Variants in SH3RF1 observed in about 807,000 individuals in gnomAD.
The protein encoded by SH3RF1 is SH3 domain containing ring finger 1, also known as E3 ubiquitin-protein ligase SH3RF1.
SH3RF1 carries 32 observed loss-of-function variants against 74.0 expected under a neutral mutation model. The observed-to-expected ratio is 0.43, with a 90% CI of 0.33 to 0.58. SH3RF1 has a LOEUF of 0.58. Among genes scored for constraint, SH3RF1 ranks in the 20% least tolerant of loss-of-function variants. The pLI is 0.05. For synonymous variants in SH3RF1, 396 were observed against 439.6 expected, an observed-to-expected ratio of 0.90 and a Z score of 1.24; for missense variants, 954 against 1,130.9, an observed-to-expected ratio of 0.84 and a Z score of 2.24.
chr4:169,150,638 G>T (rs1040639484), intron 4 of SH3RF1, among the ~76,000 whole-genome samples: 2 of 152,104 alleles, frequency 1.3e-5, no homozygotes, highest in Non-Finnish European at 2.9e-5. Context: ...CCCCAGGGGG[G>T]TCTTCTCTAC....
intron 2 of SH3RF1, among the ~76,000 whole-genome samples, chr4:169,208,213 C>G (rs2126994315): frequency 6.6e-6 from 1 of 152,148 alleles, no homozygotes; most frequent in Admixed American, 6.5e-5. Flanking sequence ...TCCCCACCCC[C>G]ACTGCCTGAC....
chr4:169,212,057 CT>C (rs34108534), intron 2 of SH3RF1, among the ~76,000 whole-genome samples: 6,783 of 49,126 alleles, frequency 0.14, 122 homozygotes, highest in Non-Finnish European at 0.16. Context: ...CTTTTCTTTT[CT>C]TTTTTTTTTT....
chr4:169,263,570 C>T (rs1238877490), intron 2 of SH3RF1, among the ~76,000 whole-genome samples: 1 of 152,194 alleles, frequency 6.6e-6, no homozygotes, highest in African/African-American at 2.4e-5. Context: ...AACTTTCTCC[C>T]ACTACTTCCT....
intron 4 of SH3RF1, among the ~76,000 whole-genome samples, chr4:169,138,287 T>C (rs921081101): frequency 6.6e-6 from 1 of 152,150 alleles, no homozygotes; most frequent in Non-Finnish European, 1.5e-5. Context: ...CAGTGAACCA[T>C]GGAGGGGTAG....
chr4:169,187,013 A>G (rs78060647), intron 2 of SH3RF1, among the ~76,000 whole-genome samples: 1 of 32,852 alleles, frequency 3.0e-5, no homozygotes, highest in African/African-American at 6.8e-5. Context: ...GCTCCATCGC[A>G]AAAAAAAAAA....
chr4:169,125,279 C>T lies in SH3RF1; in HGVS notation c.1180-3013G>A, dbSNP rs138824007. Among the ~76,000 whole-genome samples the T allele has an allele frequency of 1.2e-4, 18 of 152,282 alleles. No homozygotes were observed. In the East Asian group the frequency reaches 3.5e-3, roughly 29 times the overall value. On this transcript the variant is annotated intron_variant, in intron 6 of 11. Transcript: ENST00000284637. ...CTTCCTTCCCTTGCTAGAGTGAGCA[C>T]CCAGGGAAGAAGTGTCTTCTCTCTG...
intron 6 of SH3RF1, among the ~76,000 whole-genome samples, chr4:169,126,581 T>C (rs1733528770): frequency 6.6e-6 from 1 of 151,974 alleles, no homozygotes; most frequent in South Asian, 2.1e-4. Context: ...TGTATAAAAT[T>C]TTTATTATTT....
chr4:169,207,925 G>T (rs1730287664), intron 2 of SH3RF1, among the ~76,000 whole-genome samples: 1 of 152,032 alleles, frequency 6.6e-6, no homozygotes, highest in African/African-American at 2.4e-5. Flanking sequence ...CACCATGGGG[G>T]GTGTCAGTAG....
intron 2 of SH3RF1, among the ~76,000 whole-genome samples, chr4:169,218,632 A>C (rs1018108991): frequency 3.6e-4 from 55 of 151,788 alleles, no homozygotes; most frequent in Non-Finnish European, 6.3e-4. Context: ...CAGACCAGGG[A>C]CCAAAAGTGA....
At chr4:169,143,403 G>A (rs944734617) in intron 4 of SH3RF1, among the ~76,000 whole-genome samples, 3 of 152,228 alleles carry the variant, frequency 2.0e-5, no homozygotes, top group African/African-American at 7.2e-5. Flanking sequence ...ACTCAGTTTG[G>A]ACGAGTCTCG....
rs146541625 is a variant in SH3RF1, at chr4:169,115,425, C to T, written c.2139+844G>A. On this transcript the variant is annotated intron_variant, in intron 10 of 11. Transcript: ENST00000284637. ...GTCAGATCAGCAGGGGCATTAGATT[C>T]TCATAGGAGCATGAACCCTATTGTG... Among the ~76,000 whole-genome samples, 835 of 152,260 alleles carry T rather than the reference C, an allele frequency of 5.5e-3. 11 individuals carry two copies. The highest frequency in any genetic ancestry group is 0.019 in the African/African-American group (804 of 41,552).
Position 169,170,649 on chromosome 4 carries a change from A to G in SH3RF1, c.394-13970T>C, listed in dbSNP as rs1332659970. On this transcript the variant is annotated intron_variant, in intron 2 of 11. Coordinates refer to ENST00000284637, the MANE Select transcript of SH3RF1 (RefSeq NM_020870.4). ...ATCCTGGGGGCGCAACACACAGCAAAGAATCAGCTCATTAGATGACTACTT... is the reference window on the plus strand; with the variant it reads ...ATCCTGGGGGCGCAACACACAGCAAGGAATCAGCTCATTAGATGACTACTT... Among the ~76,000 whole-genome samples the G allele has an allele frequency of 2.6e-5, 4 of 152,182 alleles. No individual in the cohort carries two copies. In the East Asian group the frequency reaches 5.8e-4, roughly 22 times the overall value.
intron 2 of SH3RF1, among the ~76,000 whole-genome samples, chr4:169,212,593 CAG>C (rs1428807445): frequency 6.6e-6 from 1 of 152,008 alleles, no homozygotes; most frequent in Non-Finnish European, 1.5e-5. Context: ...GCAGGAAGTA[CAG>C]AGAGTTCCCA....
intron 11 of SH3RF1, among the ~76,000 whole-genome samples, chr4:169,100,423 A>T (rs2608850): frequency 6.6e-6 from 1 of 152,070 alleles, no homozygotes; most frequent in South Asian, 2.1e-4. Flanking sequence ...CTCACCACAA[A>T]CTCCGCCTCC....
chr4:169,185,119 A>C (rs1207732482), intron 2 of SH3RF1, among the ~76,000 whole-genome samples: 1 of 152,216 alleles, frequency 6.6e-6, no homozygotes, highest in African/African-American at 2.4e-5. Flanking sequence ...AGTTACCTAA[A>C]AACTGTTGTT....
At chr4:169,118,547 T>C (rs1044810814) in intron 8 of SH3RF1, among the ~76,000 whole-genome samples, 6 of 151,988 alleles carry the variant, frequency 3.9e-5, no homozygotes, top group African/African-American at 1.4e-4. Flanking sequence ...CCTCTGCCTC[T>C]CAGGTTCAAG....
intron 4 of SH3RF1, among the ~76,000 whole-genome samples, chr4:169,143,682 G>A (rs907931822): frequency 4.6e-5 from 7 of 152,072 alleles, no homozygotes; most frequent in Non-Finnish European, 7.4e-5. Flanking sequence ...GGAGGAACAC[G>A]GACTCCTAAT....
intron 7 of SH3RF1, 152 bp downstream of exon 7, chr4:169,121,948 T>C (rs1733441226): frequency 1.1e-6 from 1 of 929,682 alleles, no homozygotes; most frequent in Non-Finnish European, 1.6e-6. Flanking sequence ...CCTAGTTACA[T>C]GCATGACCAG....
chr4:169,169,108 A>G (rs2126972051), intron 2 of SH3RF1, among the ~76,000 whole-genome samples: 1 of 152,326 alleles, frequency 6.6e-6, no homozygotes, highest in South Asian at 2.1e-4. Flanking sequence ...TGTGCATATT[A>G]CTGTTACTGT....
Sources: gnomAD v4.1 joint callset for allele counts (sites outside exome capture counted in the v4.1 genomes callset) on GRCh38, gnomAD v4.1.1 for gene constraint, MANE v1.5 for transcripts, NCBI Gene and HGNC (gene_info 2026-07-23, HGNC 2026-07-21) for gene names.